Variants in ABCG5 observed in about 807,000 individuals in gnomAD.
ABCG5 encodes ATP binding cassette subfamily G member 5.
A neutral mutation model predicts 64.5 loss-of-function variants in ABCG5; 64 were observed. The ratio of observed to expected loss-of-function variants is 0.99; its 90% CI spans 0.81 to 1.22. ABCG5 has a LOEUF of 1.22. ABCG5 is among the 50% of genes most tolerant of loss of function. ABCG5 has a pLI of 0.00. For synonymous variants in ABCG5, 385 were observed against 326.3 expected (o/e 1.18, Z -1.94); for missense variants, 908 against 829.5 (o/e 1.09, Z -1.16).
intron 11 of ABCG5, among the ~76,000 whole-genome samples, chr2:43,815,599 G>A (rs1437690539): frequency 5.9e-5 from 9 of 152,138 alleles, no homozygotes; most frequent in Admixed American, 2.0e-4. Flanking sequence ...AAAAGGATAC[G>A]TGGGACTCTG....
chr2:43,813,709 GTTTTTTTTTTT>G (rs1214033245), intron 12 of ABCG5, among the ~76,000 whole-genome samples: 3 of 34,072 alleles, frequency 8.8e-5, no homozygotes, highest in African/African-American at 1.3e-4. Flanking sequence ...TTTTTTTTTC[GTTTTTTTTTTT>G]TTTTTTTTTT....
chr2:43,811,907 A>G (rs1666498168), downstream of ABCG5, among the ~76,000 whole-genome samples: 1 of 152,142 alleles, frequency 6.6e-6, no homozygotes, highest in South Asian at 2.1e-4. Flanking sequence ...ACCCATTTTT[A>G]ATAACCTATT....
chr2:43,827,841 G>C, intron 5 of ABCG5, 142 bp downstream of exon 5: 1 of 1,333,900 alleles, frequency 7.5e-7, no homozygotes, highest in Non-Finnish European at 1.0e-6. Context: ...AAAAAACTGG[G>C]TCCTCAGTTT....
Position 43,838,555 on chromosome 2 carries a change from T to A in ABCG5, c.125A>T (p.His42Leu). ...GCCTTACCTGACGCTGTAGGAGGCA[T>A]GGAGGATGCCCAGGCTGTGAGGCTC... is the stretch of plus-strand genomic sequence containing the variant. ...APEPHSLGIL[H>L]ASYSVSHRVR... Residue 42 changes from histidine to leucine, a missense_variant, in exon 1 of 13, where the codon CAT becomes CTT. His to Leu is a moderately conservative substitution (Grantham distance 99). Coordinates refer to ENST00000405322, the MANE Select transcript of ABCG5 (RefSeq NM_022436.3). The surrounding 1 kb of genome is among the most constrained non-coding windows in gnomAD (Gnocchi z 4.2). 1 of 1,606,986 alleles carries A rather than the reference T, an allele frequency of 6.2e-7. No homozygotes were observed. The highest frequency in any genetic ancestry group is 1.1e-5 in the South Asian group (1 of 89,654).
downstream of ABCG5, among the ~76,000 whole-genome samples, chr2:43,808,761 T>G (rs1666366756): frequency 6.6e-6 from 1 of 152,190 alleles, no homozygotes; most frequent in South Asian, 2.1e-4. Context: ...TGTTTTCATG[T>G]GGCCACTGTT....
rs1451153672 is a variant in ABCG5 at position 43,813,001 on chromosome 2, A to C, written c.*115T>G. 27 of 711,892 alleles carry C rather than the reference A, an allele frequency of 3.8e-5. No individual in the cohort carries two copies. The highest frequency in any genetic ancestry group is 2.6e-6 in the Non-Finnish European group (1 of 383,822). 44.1% of individuals were successfully genotyped at this position (711,892 alleles called of 1,614,324 possible). On this transcript the variant is annotated 3_prime_UTR_variant, in exon 13 of 13. Transcript: ENST00000405322. The stretch of plus-strand genomic sequence containing the variant: ...AGGCACAAATGGAGTCTTAATGGTT[A>C]AAAGACTTGAGATGTCCTGTCAAGA...
In ABCG5 at chr2:43,831,793, G is replaced by C. The variant is rs767071146; in HGVS notation, c.477C>G (p.Gly159=). Residue 159 remains glycine (G), a synonymous_variant, in exon 4 of 13, where the codon GGC becomes GGG. Transcript: ENST00000405322. ...CCTTCTTCTGGAAGGAGCCGGGATTGCCGCGGCGGATGGCCAGCAGCGCGG... is the reference window on the plus strand; with the variant it reads ...CCTTCTTCTGGAAGGAGCCGGGATTCCCGCGGCGGATGGCCAGCAGCGCGG... The part of the protein sequence containing the change: ...HYTALLAIRR[G]NPGSFQKKVE... 4 of 1,587,400 alleles carry C rather than the reference G, an allele frequency of 2.5e-6. No individual in the cohort carries two copies. The South Asian group carries it at 3.5e-5, about 14-fold the overall frequency.
intron 2 of ABCG5, among the ~76,000 whole-genome samples, chr2:43,837,363 C>G (rs1668342906): frequency 1.3e-5 from 2 of 152,234 alleles, no homozygotes; most frequent in East Asian, 1.9e-4. Context: ...TCAAGCAATC[C>G]TCTCACCTCA....
chr2:43,825,513 C>T (rs752163343), intron 6 of ABCG5, among the ~76,000 whole-genome samples: 6 of 152,170 alleles, frequency 3.9e-5, no homozygotes, highest in Non-Finnish European at 8.8e-5. Context: ...AAAAACACAG[C>T]CTTTGAAGCC....
At chr2:43,834,506 CT>C (rs201600743) in intron 2 of ABCG5, among the ~76,000 whole-genome samples, 44 of 149,392 alleles carry the variant, frequency 2.9e-4, no homozygotes, top group East Asian at 1.4e-3. Flanking sequence ...TTTTGGGATA[CT>C]TTTTTTTTTA....
chr2:43,813,777 G>A (rs1572737507), intron 12 of ABCG5, among the ~76,000 whole-genome samples: 1 of 138,562 alleles, frequency 7.2e-6, no homozygotes, highest in South Asian at 2.3e-4. Flanking sequence ...GAGTGCAGTG[G>A]CTCGATCTGG....
At chr2:43,818,251 C>T (rs1157104579) in intron 11 of ABCG5, among the ~76,000 whole-genome samples, 1 of 152,044 alleles carries the variant, frequency 6.6e-6, no homozygotes, top group Non-Finnish European at 1.5e-5. Context: ...CGAGACTAGC[C>T]TGGCCAACAT....
chr2:43,829,877 C>T (rs777365596), intron 4 of ABCG5, among the ~76,000 whole-genome samples: 2 of 152,184 alleles, frequency 1.3e-5, no homozygotes, highest in Non-Finnish European at 2.9e-5. Context: ...ATAGATGTAG[C>T]TTTGACCCAC....
Position 43,838,029 on chromosome 2 carries a change from G to T in ABCG5, c.144-74C>A. On this transcript the variant is annotated intron_variant, in intron 1 of 12. Coordinates refer to ENST00000405322, the MANE Select transcript of ABCG5 (RefSeq NM_022436.3). The surrounding 1 kb of genome is among the most constrained non-coding windows in gnomAD (Gnocchi z 4.2). ...GGGCCACACCCAGGTCCCCAGCATT[G>T]ATCCTACCTGTGCCCCACCCCAGTA... 3.1e-6 allele frequency: 5 copies of T among 1,599,940 alleles called. No individual in the cohort carries two copies. The highest frequency in any genetic ancestry group is 4.3e-6 in the Non-Finnish European group (5 of 1,170,282).
rs745310708 is a variant in ABCG5 at position 43,837,874 on chromosome 2, G to C, written c.225C>G (p.Tyr75Ter). The C allele has an allele frequency of 8.7e-6, 14 of 1,613,958 alleles. No individual in the cohort carries two copies. The highest frequency in any genetic ancestry group is 1.2e-5 in the Non-Finnish European group (14 of 1,180,002). The change falls in exon 2 of 13, where the codon TAC (tyrosine) becomes TAG (stop). Residue 75 changes from tyrosine to a stop codon, truncating the protein, a stop_gained. Transcript: ENST00000405322. LOFTEE classifies it high-confidence loss of function. ...TRQILKDVSL[Y>*]VESGQIMCIL... ...TGCACATGATCTGCCCGCTCTCCAC[G>C]TACAAGGAGACATCTTTGAGGATCT... is the stretch of plus-strand genomic sequence containing the variant.
rs1418170362 is a variant in ABCG5 at position 43,820,027 on chromosome 2, C to G, written c.1537G>C (p.Gly513Arg). 1 of 1,614,112 alleles carries G rather than the reference C, an allele frequency of 6.2e-7. No individual in the cohort carries two copies. The highest frequency in any genetic ancestry group is 8.5e-7 in the Non-Finnish European group (1 of 1,180,024). ...AGTAGCACAAGAGTTAGAAATTCACCAATTAAGTGGGGGGCCAAGAGAGCA... is the reference window on the plus strand; with the variant it reads ...AGTAGCACAAGAGTTAGAAATTCACGAATTAAGTGGGGGGCCAAGAGAGCA... ...SAALLAPHLI[G>R]EFLTLVLLGI... is the part of the protein sequence containing the mutation. The change falls in exon 11 of 13, where the codon GGT becomes CGT. Residue 513 changes from glycine to arginine, a missense_variant. Coordinates refer to ENST00000405322, the MANE Select transcript of ABCG5 (RefSeq NM_022436.3).
At chr2:43,809,299 G>A (rs10173687), downstream of ABCG5, among the ~76,000 whole-genome samples, 39,062 of 152,024 alleles carry the variant, frequency 0.26, 5,791 homozygotes, top group African/African-American at 0.41. Context: ...GCCTGGGTAT[G>A]TATTTTTTAA....
intron 10 of ABCG5, chr2:43,822,486 C>CCG: frequency 1.1e-6 from 1 of 932,966 alleles, no homozygotes; most frequent in Non-Finnish European, 1.3e-6. Context: ...AGGCCCCCCC[C>CCG]CATGCACCTG....
chr2:43,830,723 C>T (rs1667904355), intron 4 of ABCG5, among the ~76,000 whole-genome samples: 1 of 152,238 alleles, frequency 6.6e-6, no homozygotes, highest in African/African-American at 2.4e-5. Context: ...TTGAAGGAGG[C>T]ATGTCCACCT....
Sources: gnomAD v4.1 joint callset for allele counts (sites outside exome capture counted in the v4.1 genomes callset) on GRCh38, gnomAD v4.1.1 for gene constraint, Gnocchi (gnomAD v3.1) non-coding constraint, MANE v1.5 for transcripts, NCBI Gene and HGNC (gene_info 2026-07-23, HGNC 2026-07-21) for gene names.